Variants in RORA observed in about 807,000 individuals in gnomAD.
RORA encodes the protein RAR related orphan receptor A, also known as nuclear receptor ROR-alpha.
In RORA, 7 loss-of-function variants were observed where a neutral mutation model predicts 69.5. The ratio of observed to expected loss-of-function variants is 0.10; its 90% CI spans 0.06 to 0.19. The LOEUF is 0.19. RORA is among the 10% of genes least tolerant of loss of function. The probability of loss-of-function intolerance (pLI) is 1.00; values close to 1 mark genes in which losing one functional copy is unlikely to be tolerated. For missense variants in RORA, 457 were observed against 663.0 expected (o/e 0.69, Z 3.41); for synonymous variants, 261 against 240.8 (o/e 1.08, Z -0.78).
At chr15:60,669,304 T>C (rs946373009) in intron 2 of RORA, among the ~76,000 whole-genome samples, 2 of 151,826 alleles carry the variant, frequency 1.3e-5, no homozygotes, top group Non-Finnish European at 2.9e-5. Context: ...AGCCTTCTCT[T>C]TTCGGACCAG....
At chr15:61,086,887 T>C (rs1164172586) in intron 1 of RORA, among the ~76,000 whole-genome samples, 7 of 152,118 alleles carry the variant, frequency 4.6e-5, no homozygotes, top group Non-Finnish European at 1.0e-4. Flanking sequence ...ACAAAAAGCA[T>C]ATGGGCAGGG....
intron 1 of RORA, among the ~76,000 whole-genome samples, chr15:60,926,553 G>C (rs1892224771): frequency 6.6e-6 from 1 of 152,210 alleles, no homozygotes. Context: ...AGGGTATTTG[G>C]CTATAATATG....
intron 2 of RORA, among the ~76,000 whole-genome samples, chr15:60,624,579 A>G (rs187732433): frequency 5.5e-5 from 8 of 145,874 alleles, no homozygotes; most frequent in African/African-American, 1.9e-4. Context: ...TATATATTAT[A>G]TATACACACA....
chr15:60,561,346 G>A (rs1375739277), intron 2 of RORA, among the ~76,000 whole-genome samples: 1 of 151,990 alleles, frequency 6.6e-6, no homozygotes, highest in African/African-American at 2.4e-5. Context: ...CTCCCAAAGT[G>A]CTGGGATTAC....
At chr15:60,570,068 A>T (rs1444043745) in intron 2 of RORA, among the ~76,000 whole-genome samples, 1 of 152,190 alleles carries the variant, frequency 6.6e-6, no homozygotes, top group East Asian at 1.9e-4. Context: ...GACAGAAGGG[A>T]GGTGAAGGGG....
At chr15:60,827,710 C>T (rs1171010455) in intron 1 of RORA, among the ~76,000 whole-genome samples, 5 of 152,124 alleles carry the variant, frequency 3.3e-5, no homozygotes, top group African/African-American at 4.8e-5. Flanking sequence ...TGAGCAGCTG[C>T]CTGTGCGGGT....
intron 1 of RORA, among the ~76,000 whole-genome samples, chr15:60,801,025 C>T (rs1369788491): frequency 6.6e-6 from 1 of 152,126 alleles, no homozygotes. Flanking sequence ...AAAAACTAGA[C>T]GTGAAGGGAC....
intron 1 of RORA, among the ~76,000 whole-genome samples, chr15:61,141,507 G>C (rs763426806): frequency 1.2e-4 from 18 of 151,852 alleles, no homozygotes; most frequent in Non-Finnish European, 1.8e-4. Context: ...GCATGAGAAA[G>C]GAAAAAAGAA....
intron 2 of RORA, among the ~76,000 whole-genome samples, chr15:60,616,555 C>A (rs1237521898): frequency 6.6e-6 from 1 of 152,102 alleles, no homozygotes; most frequent in African/African-American, 2.4e-5. Context: ...GGAAGAGCAG[C>A]AGAGGGGTGT....
At position 60,993,644 on chromosome 15, in the gene RORA, C is replaced by CAAAAAAA. The variant is rs3053932; in HGVS notation, c.166+235402_166+235408dup. ...GGTGACAGAGCAAGACTCTCCATCT[C>CAAAAAAA]AAAAAAAAAAAAAAAAAAAAAAGAC... On this transcript the variant is annotated intron_variant, in intron 1 of 10. Coordinates refer to ENST00000335670, the MANE Select transcript of RORA (RefSeq NM_134261.3). 1.1e-3 allele frequency among the ~76,000 whole-genome samples: 94 copies of CAAAAAAA among 83,018 alleles called. 1 individual carries two copies. The highest frequency in any genetic ancestry group is 3.3e-3 in the South Asian group (6 of 1,844). The allele number at this position is 83,018 out of a possible 152,430, so 54.5% of individuals were successfully genotyped here. A position where few individuals can be genotyped will look rare whatever the true frequency, so the allele number is the denominator to read the frequency against.
chr15:60,828,393 A>C (rs1409254277), intron 1 of RORA, among the ~76,000 whole-genome samples: 1 of 152,202 alleles, frequency 6.6e-6, no homozygotes, highest in Admixed American at 6.5e-5. Flanking sequence ...CTCCAGAAGG[A>C]AAGAGAATCT....
At chr15:60,547,500 T>A (rs552596854) in intron 2 of RORA, among the ~76,000 whole-genome samples, 2 of 152,146 alleles carry the variant, frequency 1.3e-5, no homozygotes, top group Middle Eastern at 3.4e-3. Context: ...GTAATTTTTG[T>A]ATTTTTAGTA....
chr15:60,489,497 C>T lies in RORA; in HGVS notation c.*7958G>A, dbSNP rs558493472. The T allele has an allele frequency of 2.6e-5, 4 of 152,282 alleles. No individual in the cohort carries two copies. The highest frequency in any genetic ancestry group is 1.3e-4 in the Admixed American group (2 of 15,302). 9.4% of individuals were successfully genotyped at this position (152,282 alleles called of 1,614,324 possible). ...CAATATTTAATAAGGTTAACTACAT[C>T]CTTAGTTAGATATTTGATAAACTTT... On this transcript the variant is annotated 3_prime_UTR_variant, in exon 11 of 11. Coordinates refer to ENST00000335670, the MANE Select transcript of RORA (RefSeq NM_134261.3).
intron 1 of RORA, among the ~76,000 whole-genome samples, chr15:61,114,771 G>T (rs555202187): frequency 2.0e-4 from 31 of 152,132 alleles, no homozygotes; most frequent in Non-Finnish European, 4.1e-4. Flanking sequence ...CCAAGCAAGT[G>T]CACTCCTTCT....
chr15:60,491,089 A>T lies in RORA; in HGVS notation c.*6366T>A, dbSNP rs1360666299. Reference sequence around the variant, plus strand: ...TTCAAACTGTGTGGATAACAGGAGAATTTTGGATTCAGGAAGATGTATACA... The same window carrying T: ...TTCAAACTGTGTGGATAACAGGAGATTTTTGGATTCAGGAAGATGTATACA... On this transcript the variant is annotated 3_prime_UTR_variant, in exon 11 of 11. Transcript: ENST00000335670. 1 of 152,160 alleles carries T rather than the reference A, an allele frequency of 6.6e-6. No homozygotes were observed. The highest frequency in any genetic ancestry group is 2.4e-5 in the African/African-American group (1 of 41,454). The allele number at this position is 152,160 out of a possible 1,614,324, so 9.4% of individuals were successfully genotyped here.
intron 1 of RORA, among the ~76,000 whole-genome samples, chr15:60,770,141 C>T (rs548611337): frequency 1.3e-5 from 2 of 152,252 alleles, no homozygotes; most frequent in South Asian, 2.1e-4. Context: ...TTTACACCTT[C>T]GTTAAAGGGC....
chr15:60,824,184 A>T (rs1298733782), intron 1 of RORA, among the ~76,000 whole-genome samples: 1 of 152,194 alleles, frequency 6.6e-6, no homozygotes, highest in Non-Finnish European at 1.5e-5. Context: ...GGCTGCCATA[A>T]TCAGGAGGAT....
At chr15:61,007,313 G>C (rs1285341391) in intron 1 of RORA, among the ~76,000 whole-genome samples, 1 of 152,150 alleles carries the variant, frequency 6.6e-6, no homozygotes, top group Admixed American at 6.5e-5. Context: ...ATAATTGATA[G>C]GCAATGTTTC....
intron 1 of RORA, among the ~76,000 whole-genome samples, chr15:61,143,849 C>G (rs2079322146): frequency 1.3e-5 from 2 of 152,024 alleles, no homozygotes; most frequent in African/African-American, 4.8e-5. Flanking sequence ...ATAATCTTAG[C>G]ATAAGGGAGG....
Sources: gnomAD v4.1 joint callset for allele counts (sites outside exome capture counted in the v4.1 genomes callset) on GRCh38, gnomAD v4.1.1 for gene constraint, MANE v1.5 for transcripts, NCBI Gene and HGNC (gene_info 2026-07-23, HGNC 2026-07-21) for gene names.